The following KMT2C variants were observed in gnomAD, a reference collection of about 807,000 sequenced individuals.
The protein encoded by KMT2C is histone-lysine N-methyltransferase 2C.
KMT2C carries 88 observed loss-of-function variants against 507.9 expected under a neutral mutation model. The observed-to-expected ratio is 0.17, with a 90% CI of 0.15 to 0.21. KMT2C has a LOEUF of 0.21. KMT2C is among the 10% of genes least tolerant of loss of function. The pLI is 1.00. For missense variants in KMT2C, 4,954 were observed against 5,957.8 expected (o/e 0.83, Z 5.55); for synonymous variants, 2,049 against 2,080.8 (o/e 0.98, Z 0.42).
At position 152,196,102 on chromosome 7, in the gene KMT2C, T is replaced by C. The variant is rs1365194806; in HGVS notation, c.4274-91A>G. ...AACCTAGAGTACAGCAGATACTGAG[T>C]GAGGCAAGTACTGGAATAAAAACCT... On this transcript the variant is annotated intron_variant, in intron 27 of 58. Transcript: ENST00000262189. 10 of 570,880 alleles carry C rather than the reference T, an allele frequency of 1.8e-5. No individual in the cohort carries two copies. In the African/African-American group the frequency reaches 1.9e-4, roughly 11 times the overall value. 35.4% of individuals were successfully genotyped at this position (570,880 alleles called of 1,614,324 possible). A position where few individuals can be genotyped will look rare whatever the true frequency, so the allele number is the denominator to read the frequency against.
At chr7:152,348,617 A>G (rs1282752295) in intron 2 of KMT2C, among the ~76,000 whole-genome samples, 21 of 148,664 alleles carry the variant, frequency 1.4e-4, no homozygotes, top group African/African-American at 4.7e-4. Context: ...AAAAAAAAAA[A>G]AAAAAAAGAA....
At chr7:152,342,404 C>T (rs1270624586) in intron 2 of KMT2C, among the ~76,000 whole-genome samples, 1 of 152,154 alleles carries the variant, frequency 6.6e-6, no homozygotes, top group Non-Finnish European at 1.5e-5. Flanking sequence ...ATAATCCATT[C>T]CACTATAGTT....
At chr7:152,312,621 G>C (rs1403374758) in intron 4 of KMT2C, among the ~76,000 whole-genome samples, 1 of 152,044 alleles carries the variant, frequency 6.6e-6, no homozygotes, top group Non-Finnish European at 1.5e-5. Flanking sequence ...TGTAGAATAA[G>C]GAAGATAGTA....
rs2129095711 is a variant in KMT2C at position 152,149,084 on chromosome 7, G to A, written c.12843C>T (p.Ser4281=). 1.3e-6 allele frequency: 2 copies of A among 1,516,966 alleles called. No individual in the cohort carries two copies. The highest frequency in any genetic ancestry group is 1.8e-6 in the Non-Finnish European group (2 of 1,135,664). The allele number at this position is 1,516,966 out of a possible 1,614,324, so 94.0% of individuals were successfully genotyped here. ...GCACATCCAAAGTGGAGATGTTGTT[G>A]CTGTACTGATGAAATGCTTTGGAAG... The part of the protein sequence containing the change: ...ETPSKAFHQY[S]NNISTLDVHC... Residue 4281 remains serine, a synonymous_variant, in exon 52 of 59, where the codon AGC becomes AGT. Coordinates refer to ENST00000262189, the MANE Select transcript of KMT2C (RefSeq NM_170606.3).
chr7:152,279,149 A>C (rs1301743601), intron 6 of KMT2C, among the ~76,000 whole-genome samples: 3 of 152,202 alleles, frequency 2.0e-5, no homozygotes, highest in Non-Finnish European at 4.4e-5. Flanking sequence ...TACAATAAAA[A>C]TTAGAAATTC....
Position 152,309,534 on chromosome 7 carries a change from T to TA in KMT2C, c.849+431dup, listed in dbSNP as rs1218307774. Among the ~76,000 whole-genome samples, 8 of 135,136 alleles carry TA rather than the reference T, an allele frequency of 5.9e-5. No homozygotes were observed. In the East Asian group the frequency reaches 8.4e-4, roughly 14 times the overall value. 88.7% of individuals were successfully genotyped at this position (135,136 alleles called of 152,430 possible). A position where few individuals can be genotyped will look rare whatever the true frequency, so the allele number is the denominator to read the frequency against. On this transcript the variant is annotated intron_variant, in intron 6 of 58. Coordinates refer to ENST00000262189, the MANE Select transcript of KMT2C (RefSeq NM_170606.3). ...TTTTTTTTTTTTTTTTTTTTTTTTT[T>TA]AATTAAACGGAGTCTCTCTCTGTCA... is the stretch of plus-strand genomic sequence containing the variant.
In KMT2C at chr7:152,248,281, T is replaced by G; in HGVS notation, c.2153A>C (p.Glu718Ala). 1 of 1,613,922 alleles carries G rather than the reference T, an allele frequency of 6.2e-7. No individual in the cohort carries two copies. Among genetic ancestry groups the G allele is most frequent in the Non-Finnish European group, 8.5e-7 (1 of 1,179,800 alleles). Residue 718 changes from glutamate (E) to alanine (A), a missense_variant, in exon 14 of 59, where the codon GAA becomes GCA. Glu to Ala is a moderately radical substitution (Grantham distance 107). Coordinates refer to ENST00000262189, the MANE Select transcript of KMT2C (RefSeq NM_170606.3). ...CTGTTCCTTTTCTCCTTGTAGCCTT[T>G]CTATAACCAACTGTTCCTCAGGACA... Reference protein sequence around the residue: ...SLCPEEQLVIERLQGEKEQKE... With the variant: ...SLCPEEQLVIARLQGEKEQKE...
At chr7:152,246,276 AAC>A in intron 14 of KMT2C, among the ~76,000 whole-genome samples, 1 of 152,290 alleles carries the variant, frequency 6.6e-6, no homozygotes, top group Non-Finnish European at 1.5e-5. Flanking sequence ...AGGGAGGGAA[AAC>A]ACAGCCTACA....
intron 6 of KMT2C, among the ~76,000 whole-genome samples, chr7:152,297,081 G>GAGAC (rs2096520866): frequency 7.2e-6 from 1 of 139,668 alleles, no homozygotes. Flanking sequence ...GAGAGAGAGA[G>GAGAC]AGAGAGAGAG....
chr7:152,394,994 T>G (rs1240224001), intron 1 of KMT2C, among the ~76,000 whole-genome samples: 1 of 152,088 alleles, frequency 6.6e-6, no homozygotes, highest in East Asian at 1.9e-4. Context: ...AGCTGCAAAG[T>G]ACCCGAAATA....
Position 152,144,607 on chromosome 7 carries a change from T to C in KMT2C, c.14343+106A>G, listed in dbSNP as rs1028007357. Reference sequence around the variant, plus strand: ...ATACGATTTTGAAAACACGTTTCTGTCCCTGCAGCTATGTGAAATCATTTT... The same window carrying C: ...ATACGATTTTGAAAACACGTTTCTGCCCCTGCAGCTATGTGAAATCATTTT... On this transcript the variant is annotated intron_variant, in intron 55 of 58. Transcript: ENST00000262189. The surrounding 1 kb of genome is among the most constrained non-coding windows in gnomAD (Gnocchi z 4.4). The C allele has an allele frequency of 2.7e-6, 3 of 1,102,602 alleles. No homozygotes were observed. The highest frequency in any genetic ancestry group is 4.0e-6 in the Non-Finnish European group (3 of 752,718). The allele number at this position is 1,102,602 out of a possible 1,614,324, so 68.3% of individuals were successfully genotyped here.
In KMT2C at chr7:152,182,041, T is replaced by C. The variant is rs747136037; in HGVS notation, c.5819A>G (p.Glu1940Gly). ...SSVSRPLQMN[E>G]TTANRPSPVR... ...AGGGGATGGCCTATTTGCTGTTGTC[T>C]CATTCATTTGAAGGGGCCTAGATAC... Residue 1940 changes from glutamate to glycine, a missense_variant, in exon 36 of 59, where the codon GAG becomes GGG. Physicochemically the swap from Glu to Gly is moderately conservative, Grantham distance 98. Transcript: ENST00000262189. 1 of 1,614,148 alleles carries C rather than the reference T, an allele frequency of 6.2e-7. No individual in the cohort carries two copies. Among genetic ancestry groups the C allele is most frequent in the Non-Finnish European group, 8.5e-7 (1 of 1,180,008 alleles).
At chr7:152,252,514 A>T (rs1168449213) in intron 10 of KMT2C, 32 bp downstream of exon 10, 1 of 1,579,952 alleles carries the variant, frequency 6.3e-7, no homozygotes, top group Admixed American at 1.7e-5. Context: ...AACAATCGAC[A>T]AAACAACTGA....
In KMT2C at chr7:152,202,994, T is replaced by A. The variant is rs376861986; in HGVS notation, c.4032A>T (p.Ile1344=). 5.0e-6 allele frequency: 8 copies of A among 1,610,794 alleles called. No homozygotes were observed. In the African/African-American group the frequency reaches 1.1e-4, roughly 22 times the overall value. ...TTTTCCTTTTTCGGTATCTCTTCTT[T>A]ATTTTTTCAGTGCTTTCAGTAACAG... ...SVSVTESTEK[I]KKRYRKRKNK... Residue 1344 remains isoleucine (I), a synonymous_variant, in exon 26 of 59, where the codon ATA becomes ATT. Transcript: ENST00000262189.
chr7:152,291,220 G>GC (rs1165111419), intron 6 of KMT2C, among the ~76,000 whole-genome samples: 1 of 152,134 alleles, frequency 6.6e-6, no homozygotes, highest in Non-Finnish European at 1.5e-5. Context: ...GCAAAAAACT[G>GC]CAATAAAACT....
intron 2 of KMT2C, among the ~76,000 whole-genome samples, chr7:152,351,098 TATG>T (rs1351433122): frequency 6.6e-6 from 1 of 152,204 alleles, no homozygotes; most frequent in South Asian, 2.1e-4. Flanking sequence ...TGTCATTTCG[TATG>T]ATAACAATGC....
intron 7 of KMT2C, among the ~76,000 whole-genome samples, chr7:152,265,852 A>C (rs2095850755): frequency 6.6e-6 from 1 of 152,238 alleles, no homozygotes; most frequent in Non-Finnish European, 1.5e-5. Context: ...TCTAGTTGTA[A>C]AAGCATTAAA....
At chr7:152,212,141 A>G (rs2094469860) in intron 23 of KMT2C, among the ~76,000 whole-genome samples, 1 of 152,226 alleles carries the variant, frequency 6.6e-6, no homozygotes, top group Non-Finnish European at 1.5e-5. Flanking sequence ...CCCAAATATG[A>G]GAAATTCTCC....
Position 152,136,606 on chromosome 7 carries a change from C to CTG in KMT2C, c.*224_*225dup. On this transcript the variant is annotated 3_prime_UTR_variant, in exon 59 of 59. Transcript: ENST00000262189. ...AAAAAAGCAAAAGTGCTGGACCATT[C>CTG]TGTGATTCCGTTTAACCTCGGCCAC... 1 of 525,998 alleles carries CTG rather than the reference C, an allele frequency of 1.9e-6. No homozygotes were observed. The highest frequency in any genetic ancestry group is 2.6e-5 in the South Asian group (1 of 37,980). 32.6% of individuals were successfully genotyped at this position (525,998 alleles called of 1,614,324 possible).
Sources: gnomAD v4.1 joint callset for allele counts (sites outside exome capture counted in the v4.1 genomes callset) on GRCh38, gnomAD v4.1.1 for gene constraint, Gnocchi (gnomAD v3.1) non-coding constraint, MANE v1.5 for transcripts, NCBI Gene and HGNC (gene_info 2026-07-23, HGNC 2026-07-21) for gene names.